The following PALS2 variants were observed in gnomAD, a reference collection of about 807,000 sequenced individuals.
PALS2 encodes protein PALS2.
Under a neutral mutation model 61.6 loss-of-function variants are expected in PALS2, and 27 were observed. That is an observed-to-expected ratio of 0.44 (90% CI 0.32 to 0.60). The LOEUF is 0.60. Ranked by LOEUF, PALS2 falls within the 20% of genes least tolerant of loss-of-function variation. The pLI is 0.05. For synonymous variants in PALS2, 236 were observed against 218.6 expected, an observed-to-expected ratio of 1.08 and a Z score of -0.70; for missense variants, 554 against 639.4, an observed-to-expected ratio of 0.87 and a Z score of 1.44.
At chr7:24,663,877 A>T (rs1786872041) in intron 6 of PALS2, among the ~76,000 whole-genome samples, 156 bp downstream of exon 6, 2 of 152,210 alleles carry the variant, frequency 1.3e-5, no homozygotes, top group South Asian at 4.1e-4. Flanking sequence ...TTGTGGACAT[A>T]AGATCAAATT....
At chr7:24,627,748 A>G (rs1784812859) in intron 2 of PALS2, among the ~76,000 whole-genome samples, 1 of 152,230 alleles carries the variant, frequency 6.6e-6, no homozygotes, top group Admixed American at 6.5e-5. Flanking sequence ...CCTCTCTGCC[A>G]ATAAACTAGA....
intron 9 of PALS2, among the ~76,000 whole-genome samples, chr7:24,678,611 A>C (rs573973365): frequency 6.6e-6 from 1 of 152,348 alleles, no homozygotes; most frequent in African/African-American, 2.4e-5. Context: ...TAATGTGGAA[A>C]GAAAAGATGT....
In PALS2 at chr7:24,605,968, C is replaced by A. The variant is rs567844032; in HGVS notation, c.-2-17698C>A. On this transcript the variant is annotated intron_variant, in intron 1 of 11. Transcript: ENST00000222644. ...GTGAAACATGCTTGGCATCATTTCT[C>A]AAGTCATGGATTTGTCAACCCAAAG... Among the ~76,000 whole-genome samples the A allele has an allele frequency of 5.9e-5, 9 of 152,254 alleles. No individual in the cohort carries two copies. In the South Asian group the frequency reaches 1.9e-3, roughly 32 times the overall value.
Position 24,665,666 on chromosome 7 carries a change from A to G in PALS2, c.862A>G (p.Arg288Gly). 6.2e-7 allele frequency: 1 copy of G among 1,613,764 alleles called. No individual in the cohort carries two copies. The highest frequency in any genetic ancestry group is 8.5e-7 in the Non-Finnish European group (1 of 1,179,692). The stretch of plus-strand genomic sequence containing the variant: ...GGAAGAGAAGAGAAAGGCATTTGTT[A>G]GAAGAGACTGGGACAATTCAGGTGA... ...FLEEKRKAFV[R>G]RDWDNSGPFC... The change falls in exon 7 of 12, where the codon AGA becomes GGA. Residue 288 changes from arginine (R) to glycine (G), a missense_variant. Arg to Gly is a moderately radical substitution (Grantham distance 125, BLOSUM62 -2). Transcript: ENST00000222644.
chr7:24,680,515 C>T lies in PALS2; in HGVS notation c.1441C>T (p.Leu481=). ...VVDAGITTKL[L]TDSDLKKTVD... ...GGATGCAGGAATCACTACCAAGCTT[C>T]TGACCGTGAGCTAACCATACGATTT... is the stretch of plus-strand genomic sequence containing the variant. Residue 481 remains leucine (L), a synonymous_variant, in exon 11 of 12, where the codon CTG becomes TTG. Transcript: ENST00000222644. 6.2e-7 allele frequency: 1 copy of T among 1,613,618 alleles called. No homozygotes were observed. The highest frequency in any genetic ancestry group is 8.5e-7 in the Non-Finnish European group (1 of 1,179,696).
chr7:24,609,362 G>T (rs1465100463), intron 1 of PALS2, among the ~76,000 whole-genome samples: 1 of 152,156 alleles, frequency 6.6e-6, no homozygotes, highest in African/African-American at 2.4e-5. Context: ...TATAGGCAGA[G>T]AGCAGGTGGG....
At position 24,639,405 on chromosome 7, in the gene PALS2, T is replaced by TACACACAC. The variant is rs10607962; in HGVS notation, c.118-2290_118-2283dup. Among the ~76,000 whole-genome samples, 426 of 148,654 alleles carry TACACACAC rather than the reference T, an allele frequency of 2.9e-3. 1 individual carries two copies. The highest frequency in any genetic ancestry group is 8.7e-3 in the African/African-American group (353 of 40,784). ...GTATAATATACCTACCTTTGCTGAATACACACACACACACACACACACACA... is the reference window on the plus strand; with the variant it reads ...GTATAATATACCTACCTTTGCTGAATACACACACACACACACACACACACACACACACA... On this transcript the variant is annotated intron_variant, in intron 2 of 11. Coordinates refer to ENST00000222644, the MANE Select transcript of PALS2 (RefSeq NM_001303037.2).
chr7:24,670,996 C>T (rs113875503), intron 9 of PALS2, among the ~76,000 whole-genome samples: 5 of 152,258 alleles, frequency 3.3e-5, no homozygotes, highest in African/African-American at 1.2e-4. Context: ...CATTTGTATA[C>T]AGGTATTTGT....
At chr7:24,677,268 T>G (rs1787662830) in intron 9 of PALS2, among the ~76,000 whole-genome samples, 1 of 152,204 alleles carries the variant, frequency 6.6e-6, no homozygotes, top group Non-Finnish European at 1.5e-5. Context: ...AAGGAGATTT[T>G]GGGCTGAGAC....
chr7:24,676,914 A>C (rs1266550649), intron 9 of PALS2, among the ~76,000 whole-genome samples: 2 of 151,188 alleles, frequency 1.3e-5, no homozygotes, highest in Non-Finnish European at 2.9e-5. Flanking sequence ...TCTGTGAAGA[A>C]AGGCATTGGT....
chr7:24,615,838 C>T (rs1368015455), intron 1 of PALS2, among the ~76,000 whole-genome samples: 2 of 152,026 alleles, frequency 1.3e-5, no homozygotes, highest in Non-Finnish European at 2.9e-5. Flanking sequence ...AATCCAACAA[C>T]ACATCAAAAA....
intron 3 of PALS2, among the ~76,000 whole-genome samples, chr7:24,649,096 C>G (rs1017865114): frequency 4.6e-5 from 7 of 151,944 alleles, no homozygotes; most frequent in African/African-American, 1.7e-4. Flanking sequence ...TTTTTTGTCA[C>G]TGATATAAGA....
intron 2 of PALS2, among the ~76,000 whole-genome samples, chr7:24,634,299 C>T (rs548835051): frequency 2.9e-4 from 44 of 152,220 alleles, no homozygotes; most frequent in African/African-American, 6.5e-4. Flanking sequence ...GGCACGATCT[C>T]GGCCCACTGC....
chr7:24,599,505 C>CGTTTTTTTT (rs1219747892), intron 1 of PALS2, among the ~76,000 whole-genome samples: 1 of 116,612 alleles, frequency 8.6e-6, no homozygotes, highest in African/African-American at 3.5e-5. Flanking sequence ...CTTCTATAAG[C>CGTTTTTTTT]TTTTTTTTTT....
At chr7:24,640,741 G>A (rs983042543) in intron 2 of PALS2, among the ~76,000 whole-genome samples, 3 of 152,150 alleles carry the variant, frequency 2.0e-5, no homozygotes, top group East Asian at 1.9e-4. Flanking sequence ...GAGGGCGGTG[G>A]CTCATGCCTG....
chr7:24,670,412 C>G (rs1787238509), intron 9 of PALS2, among the ~76,000 whole-genome samples: 1 of 151,992 alleles, frequency 6.6e-6, no homozygotes, highest in African/African-American at 2.4e-5. Flanking sequence ...TGCTGTCTCT[C>G]TGGCTGCCCA....
At chr7:24,642,392 G>A (rs556416388) in intron 3 of PALS2, among the ~76,000 whole-genome samples, 1 of 152,252 alleles carries the variant, frequency 6.6e-6, no homozygotes, top group African/African-American at 2.4e-5. Context: ...TTACAAAGAA[G>A]AATGCATTTC....
At chr7:24,675,226 C>T (rs992593788) in intron 9 of PALS2, among the ~76,000 whole-genome samples, 15 of 151,976 alleles carry the variant, frequency 9.9e-5, no homozygotes, top group Non-Finnish European at 1.6e-4. Context: ...TTTCAAGCAG[C>T]GCATTCCCCT....
chr7:24,643,175 G>T (rs1422664805), intron 3 of PALS2, among the ~76,000 whole-genome samples: 1 of 152,086 alleles, frequency 6.6e-6, no homozygotes, highest in East Asian at 1.9e-4. Flanking sequence ...AAATGTTTTG[G>T]ACATACTTAT....
Sources: gnomAD v4.1 joint callset for allele counts (sites outside exome capture counted in the v4.1 genomes callset) on GRCh38, gnomAD v4.1.1 for gene constraint, MANE v1.5 for transcripts, NCBI Gene and HGNC (gene_info 2026-07-23, HGNC 2026-07-21) for gene names.